CDC14A: variants seen among roughly 807,000 people sequenced by gnomAD.
CDC14A encodes cell division cycle 14A.
A neutral mutation model predicts 74.4 loss-of-function variants in CDC14A; 53 were observed. The observed-to-expected ratio is 0.71, with a 90% CI of 0.57 to 0.89. CDC14A has a LOEUF of 0.89. CDC14A is among the 40% of genes least tolerant of loss of function. The pLI is 0.00. For missense variants in CDC14A, 646 were observed against 713.7 expected (o/e 0.91, Z 1.08); for synonymous variants, 247 against 258.4 (o/e 0.96, Z 0.43).
chr1:100,482,490 G>A (rs1051963437), intron 10 of CDC14A, among the ~76,000 whole-genome samples: 3 of 152,128 alleles, frequency 2.0e-5, no homozygotes, highest in Non-Finnish European at 4.4e-5. Context: ...CTTCTGGAAT[G>A]TTGGGGAACT....
chr1:100,459,740 A>C (rs1667134653), intron 8 of CDC14A, among the ~76,000 whole-genome samples: 2 of 152,158 alleles, frequency 1.3e-5, no homozygotes, highest in South Asian at 4.1e-4. Flanking sequence ...GGGTCGGATG[A>C]AGGCTCCATA....
intron 2 of CDC14A, among the ~76,000 whole-genome samples, chr1:100,368,117 A>G (rs1226241067): frequency 6.6e-6 from 1 of 152,164 alleles, no homozygotes; most frequent in Non-Finnish European, 1.5e-5. Context: ...CATTTTATCT[A>G]TACTTCGTTT....
Position 100,353,804 on chromosome 1 carries a change from C to A in CDC14A, c.92C>A (p.Thr31Lys). 1 of 1,609,196 alleles carries A rather than the reference C, an allele frequency of 6.2e-7. No homozygotes were observed. The highest frequency in any genetic ancestry group is 8.5e-7 in the Non-Finnish European group (1 of 1,176,590). Residue 31 changes from threonine (T) to lysine (K), a missense_variant, in exon 2 of 16, where the codon ACA (threonine) becomes AAA (lysine). By Grantham distance (78) the Thr-to-Lys change is moderately conservative (BLOSUM62 -1). Coordinates refer to ENST00000336454, the MANE Select transcript of CDC14A (RefSeq NM_003672.4). ...ACTTTAAGGAATAGACCAAAAAGCA[C>A]AGTAAATACCCACTATTTCTCCATC... The part of the protein sequence containing the change: ...FATLRNRPKS[T>K]VNTHYFSIDE...
chr1:100,469,584 G>A (rs1242871831), intron 10 of CDC14A, among the ~76,000 whole-genome samples: 1 of 152,162 alleles, frequency 6.6e-6, no homozygotes, highest in Non-Finnish European at 1.5e-5. Context: ...TGCTGAAGTT[G>A]AAGAAATGGT....
chr1:100,454,524 T>C (rs1281651504), intron 7 of CDC14A, among the ~76,000 whole-genome samples: 1 of 151,720 alleles, frequency 6.6e-6, no homozygotes, highest in Non-Finnish European at 1.5e-5. Context: ...GGGAAGAAAA[T>C]GGGGGAGATG....
intron 15 of CDC14A, among the ~76,000 whole-genome samples, chr1:100,503,381 A>G (rs568485890): frequency 6.6e-6 from 1 of 152,334 alleles, no homozygotes; most frequent in South Asian, 2.1e-4. Context: ...AACCTTTAAG[A>G]AAGACCCAGA....
chr1:100,360,653 T>C (rs1652636387), intron 2 of CDC14A, among the ~76,000 whole-genome samples: 1 of 152,180 alleles, frequency 6.6e-6, no homozygotes, highest in Non-Finnish European at 1.5e-5. Context: ...CCCACAGTTC[T>C]TAATTCTGTA....
chr1:100,352,741 C>A lies in CDC14A; in HGVS notation c.-214C>A. On this transcript the variant is annotated 5_prime_UTR_variant, in exon 1 of 16. Coordinates refer to ENST00000336454, the MANE Select transcript of CDC14A (RefSeq NM_003672.4). ...CAGCCAGGGGCGTGAGCGCCCCGCG[C>A]GGAGCGAGCTCGGGTTCCCCTCGGA... The A allele has an allele frequency of 7.2e-7, 1 of 1,395,140 alleles. No individual in the cohort carries two copies. The highest frequency in any genetic ancestry group is 2.8e-5 in the East Asian group (1 of 35,670). The allele number at this position is 1,395,140 out of a possible 1,614,324, so 86.4% of individuals were successfully genotyped here. A position where few individuals can be genotyped will look rare whatever the true frequency, so the allele number is the denominator to read the frequency against.
chr1:100,375,911 A>G (rs755287328), intron 2 of CDC14A, among the ~76,000 whole-genome samples: 6 of 152,200 alleles, frequency 3.9e-5, no homozygotes, highest in African/African-American at 1.4e-4. Context: ...ATGCCCATCA[A>G]TGATAGACTG....
upstream of CDC14A, chr1:100,351,914 G>T (rs1020183210): frequency 3.2e-5 from 33 of 1,026,206 alleles, no homozygotes; most frequent in Non-Finnish European, 4.4e-5. Flanking sequence ...TTGGGCGTGG[G>T]GGGTGGCTGA....
At chr1:100,436,747 C>T (rs974443429) in intron 5 of CDC14A, among the ~76,000 whole-genome samples, 3 of 152,016 alleles carry the variant, frequency 2.0e-5, no homozygotes, top group Non-Finnish European at 4.4e-5. Flanking sequence ...TTTTCATTGT[C>T]AGTTTAGTAT....
At chr1:100,388,153 G>A (rs1053369885) in intron 3 of CDC14A, among the ~76,000 whole-genome samples, 1 of 151,992 alleles carries the variant, frequency 6.6e-6, no homozygotes, top group Non-Finnish European at 1.5e-5. Flanking sequence ...GAGTCCCTAT[G>A]CTCAGTCTGA....
chr1:100,393,407 A>G, intron 4 of CDC14A: 1 of 813,900 alleles, frequency 1.2e-6, no homozygotes. Context: ...GCCATGCAGT[A>G]ATGCCATTTT....
intron 4 of CDC14A, chr1:100,393,450 C>T (rs565821949): frequency 1.0e-5 from 8 of 776,794 alleles, no homozygotes; most frequent in South Asian, 2.7e-5. Context: ...AAGTTCATAT[C>T]GTTTCATACT....
chr1:100,400,610 T>C (rs1659126666), intron 4 of CDC14A, among the ~76,000 whole-genome samples: 1 of 152,206 alleles, frequency 6.6e-6, no homozygotes, highest in African/African-American at 2.4e-5. Flanking sequence ...ATGTTGCCTG[T>C]AAATGGGCCA....
chr1:100,423,789 T>A (rs1662631031), intron 4 of CDC14A: 1 of 164,764 alleles, frequency 6.1e-6, no homozygotes, highest in Non-Finnish European at 1.3e-5. Context: ...AGGCTGAAAA[T>A]TCAGTAGATA....
chr1:100,428,011 G>A (rs941886163), intron 5 of CDC14A, among the ~76,000 whole-genome samples: 2 of 152,114 alleles, frequency 1.3e-5, no homozygotes, highest in South Asian at 2.1e-4. Context: ...TTATTTATTC[G>A]TATGGCATAG....
At chr1:100,510,793 C>T (rs1316815334) in intron 15 of CDC14A, among the ~76,000 whole-genome samples, 1 of 152,140 alleles carries the variant, frequency 6.6e-6, no homozygotes, top group Non-Finnish European at 1.5e-5. Flanking sequence ...TTTACCCGGC[C>T]CTTCAGTGCT....
At chr1:100,494,954 A>ATTGAAGTG in intron 12 of CDC14A, 24 bp downstream of exon 12, 1 of 1,185,136 alleles carries the variant, frequency 8.4e-7, no homozygotes, top group Non-Finnish European at 1.3e-6. Context: ...AAACACTTCA[A>ATTGAAGTG]TTTATAGTGT....
Sources: gnomAD v4.1 joint callset for allele counts (sites outside exome capture counted in the v4.1 genomes callset) on GRCh38, gnomAD v4.1.1 for gene constraint, MANE v1.5 for transcripts, NCBI Gene and HGNC (gene_info 2026-07-23, HGNC 2026-07-21) for gene names.